MOB3B: variants seen among roughly 807,000 people sequenced by gnomAD.
The protein encoded by MOB3B is MOB kinase activator 3B.
MOB3B carries 7 observed loss-of-function variants against 18.7 expected under a neutral mutation model. The observed-to-expected ratio is 0.37, with a 90% confidence interval of 0.21 to 0.70. The LOEUF is 0.70. Among genes scored for constraint, MOB3B ranks in the 30% least tolerant of loss-of-function variants. The probability of loss-of-function intolerance (pLI) is 0.52; values close to 1 mark genes in which losing one functional copy is unlikely to be tolerated. For synonymous variants in MOB3B, 111 were observed against 99.9 expected (o/e 1.11, Z -0.66); for missense variants, 253 against 281.3 (o/e 0.90, Z 0.72).
chr9:27,454,616 C>T (rs1822841197), intron 2 of MOB3B, among the ~76,000 whole-genome samples: 1 of 152,204 alleles, frequency 6.6e-6, no homozygotes, highest in Admixed American at 6.5e-5. Flanking sequence ...TTAAAGTAAA[C>T]AGCACAGCCT....
At chr9:27,403,777 C>G (rs372518408) in intron 2 of MOB3B, among the ~76,000 whole-genome samples, 1 of 151,910 alleles carries the variant, frequency 6.6e-6, no homozygotes, top group South Asian at 2.1e-4. Context: ...TTATGCCTGG[C>G]CTCTTTATTA....
rs550220056 is a variant in MOB3B, at chr9:27,519,551, G to A, written c.-199+10004C>T. Among the ~76,000 whole-genome samples the A allele has an allele frequency of 2.0e-5, 3 of 152,236 alleles. No homozygotes were observed. The East Asian group carries it at 5.8e-4, about 29-fold the overall frequency. Reference sequence around the variant, plus strand: ...TGAGCATTTAAGAGAAAGCAAACAAGCCAGTTGTTATACCTTCCCTCACAG... The same window carrying A: ...TGAGCATTTAAGAGAAAGCAAACAAACCAGTTGTTATACCTTCCCTCACAG... On this transcript the variant is annotated intron_variant, in intron 1 of 3. Coordinates refer to ENST00000262244, the MANE Select transcript of MOB3B (RefSeq NM_024761.5).
At chr9:27,405,579 A>G (rs977328864) in intron 2 of MOB3B, among the ~76,000 whole-genome samples, 1 of 152,052 alleles carries the variant, frequency 6.6e-6, no homozygotes, top group Admixed American at 6.5e-5. Context: ...GAAGCTTTTT[A>G]GCTTGATCTG....
At chr9:27,336,983 T>TC (rs1820873476) in intron 3 of MOB3B, among the ~76,000 whole-genome samples, 1 of 152,182 alleles carries the variant, frequency 6.6e-6, no homozygotes, top group Non-Finnish European at 1.5e-5. Flanking sequence ...ACAAAGTGCC[T>TC]CCCTGCCCAT....
chr9:27,404,968 A>G (rs1821944406), intron 2 of MOB3B, among the ~76,000 whole-genome samples: 1 of 152,026 alleles, frequency 6.6e-6, no homozygotes. Context: ...AATTGGGGTG[A>G]CAGGATATCT....
intron 2 of MOB3B, 60 bp downstream of exon 2, chr9:27,455,073 A>T (rs1420517052): frequency 6.3e-7 from 1 of 1,597,208 alleles, no homozygotes; most frequent in Admixed American, 1.7e-5. Context: ...GCAGTCTGCA[A>T]ATTTTCATAG....
chr9:27,455,429 C>T lies in MOB3B; in HGVS notation c.122G>A (p.Gly41Asp), dbSNP rs1822854873. ...CTGCACAGCCGCCTTCAGGTCCACA[C>T]CCGAGTTGAGGGATGCCTGAGCCCG... Reference protein sequence around the residue: ...HKRAQASLNSGVDLKAAVQLP... With the variant: ...HKRAQASLNSDVDLKAAVQLP... The change falls in exon 2 of 4, where the codon GGT (glycine) becomes GAT (aspartate). Residue 41 changes from glycine to aspartate, a missense_variant. Physicochemically the swap from Gly to Asp is moderately conservative, Grantham distance 94. Transcript: ENST00000262244. The T allele has an allele frequency of 8.7e-6, 14 of 1,614,232 alleles. No homozygotes were observed. Among genetic ancestry groups the T allele is most frequent in the African/African-American group, 1.3e-5 (1 of 75,066 alleles).
At chr9:27,456,378 G>A (rs761468539) in intron 1 of MOB3B, among the ~76,000 whole-genome samples, 129 of 152,174 alleles carry the variant, frequency 8.5e-4, no homozygotes, top group Non-Finnish European at 1.2e-3. Flanking sequence ...AGGAGAAGGT[G>A]GAGAAGGTGG....
At chr9:27,367,748 A>C (rs1821359639) in intron 2 of MOB3B, among the ~76,000 whole-genome samples, 2 of 152,204 alleles carry the variant, frequency 1.3e-5, no homozygotes, top group African/African-American at 2.4e-5. Context: ...GAAACAGGAC[A>C]GGTGAAGCTG....
At chr9:27,485,870 T>A (rs148077508) in intron 1 of MOB3B, among the ~76,000 whole-genome samples, 17 of 152,338 alleles carry the variant, frequency 1.1e-4, no homozygotes, top group African/African-American at 3.8e-4. Flanking sequence ...ACACTATTGC[T>A]AACCACATAA....
chr9:27,521,966 G>A (rs555438789), intron 1 of MOB3B, among the ~76,000 whole-genome samples: 5 of 152,154 alleles, frequency 3.3e-5, no homozygotes, highest in African/African-American at 1.2e-4. Flanking sequence ...TACTTGGCCA[G>A]GTACAGTGGC....
At chr9:27,483,125 CTTTTTTTTT>C (rs71492747) in intron 1 of MOB3B, among the ~76,000 whole-genome samples, 2 of 68,544 alleles carry the variant, frequency 2.9e-5, no homozygotes, top group African/African-American at 6.1e-5. Flanking sequence ...ATATACGGTA[CTTTTTTTTT>C]TTTTTTTTTT....
At position 27,359,380 on chromosome 9, in the gene MOB3B, G is replaced by GT. The variant is rs1168804233; in HGVS notation, c.419-145_419-144insA. 252 of 461,626 alleles carry GT rather than the reference G, an allele frequency of 5.5e-4. 5 individuals are homozygous for GT. Among genetic ancestry groups the GT allele is most frequent in the African/African-American group, 1.8e-3 (83 of 47,134 alleles). 28.6% of individuals were successfully genotyped at this position (461,626 alleles called of 1,614,324 possible). A position where few individuals can be genotyped will look rare whatever the true frequency, so the allele number is the denominator to read the frequency against. On this transcript the variant is annotated intron_variant, in intron 2 of 3. Coordinates refer to ENST00000262244, the MANE Select transcript of MOB3B (RefSeq NM_024761.5). ...GAGTCATAGGGAGTGTGTGTGTGTG[G>GT]GGGGGGGGGGTTGGTAGCAAACTAG...
chr9:27,396,581 T>C (rs1821803387), intron 2 of MOB3B, among the ~76,000 whole-genome samples: 1 of 152,216 alleles, frequency 6.6e-6, no homozygotes, highest in African/African-American at 2.4e-5. Flanking sequence ...TACTACTTTA[T>C]GTTTCCCATA....
intron 2 of MOB3B, among the ~76,000 whole-genome samples, chr9:27,369,850 G>C (rs532866868): frequency 3.3e-5 from 5 of 151,662 alleles, no homozygotes; most frequent in African/African-American, 4.9e-5. Context: ...GTCCTCCCTG[G>C]CCACCTCACC....
At chr9:27,497,695 A>G (rs182872526) in intron 1 of MOB3B, among the ~76,000 whole-genome samples, 2,035 of 152,296 alleles carry the variant, frequency 0.013, 21 homozygotes, top group Non-Finnish European at 0.021. Context: ...TTCTCTTAGC[A>G]ATGTGAATAT....
chr9:27,465,241 G>T (rs866355576), intron 1 of MOB3B, among the ~76,000 whole-genome samples: 5 of 152,264 alleles, frequency 3.3e-5, no homozygotes, highest in Admixed American at 2.6e-4. Flanking sequence ...GGGAGAAATT[G>T]GCCAAAACAA....
At chr9:27,338,333 G>T (rs551923847) in intron 3 of MOB3B, among the ~76,000 whole-genome samples, 2 of 152,246 alleles carry the variant, frequency 1.3e-5, no homozygotes, top group South Asian at 4.1e-4. Flanking sequence ...ACGTAGGTGG[G>T]AGACAGAGCA....
chr9:27,484,343 G>T (rs1179066719), intron 1 of MOB3B, among the ~76,000 whole-genome samples: 1 of 152,154 alleles, frequency 6.6e-6, no homozygotes, highest in African/African-American at 2.4e-5. Flanking sequence ...TGCCATGTAG[G>T]GGGTTGAGAA....
Sources: gnomAD v4.1 joint callset for allele counts (sites outside exome capture counted in the v4.1 genomes callset) on GRCh38, gnomAD v4.1.1 for gene constraint, MANE v1.5 for transcripts, NCBI Gene and HGNC (gene_info 2026-07-23, HGNC 2026-07-21) for gene names.